DIS3L2: variants seen among roughly 807,000 people sequenced by gnomAD.
The protein encoded by DIS3L2 is DIS3 like 3'-5' exoribonuclease 2.
Under a neutral mutation model 97.5 loss-of-function variants are expected in DIS3L2, and 34 were observed. That is an observed-to-expected ratio of 0.35 (90% CI 0.27 to 0.46). The LOEUF is 0.46. DIS3L2 is among the 20% of genes least tolerant of loss of function. The pLI, the probability that DIS3L2 is intolerant of heterozygous loss-of-function variation, is 1.00. For synonymous variants in DIS3L2, 435 were observed against 445.2 expected (o/e 0.98, Z 0.29); for missense variants, 1,038 against 1,146.0 (o/e 0.91, Z 1.36).
Position 232,335,824 on chromosome 2 carries a change from C to G in DIS3L2, c.2446C>G (p.Leu816Val). 6.4e-7 allele frequency: 1 copy of G among 1,550,926 alleles called. No homozygotes were observed. The highest frequency in any genetic ancestry group is 1.2e-5 in the South Asian group (1 of 84,058). The change falls in exon 20 of 21, where the codon CTC becomes GTC. Residue 816 changes from leucine (L) to valine (V), a missense_variant. Around this residue, in one of 3 missense-constraint regions of DIS3L2, gnomAD observed 221 missense variants for 246.9 expected, o/e 0.90. Transcript: ENST00000325385. ...CCAGAAGGTGGGCAAGAAGCCGGAA[C>G]TCACGCTGGTCTGGGAGCCTGAGGA... ...HFQKVGKKPE[L>V]TLVWEPEDME...
intron 6 of DIS3L2, among the ~76,000 whole-genome samples, chr2:232,093,498 A>G (rs1458555566): frequency 6.6e-6 from 1 of 152,134 alleles, no homozygotes. Flanking sequence ...GTAGAATTCA[A>G]TAGTGAAGCC....
At chr2:232,333,792 G>C in intron 16 of DIS3L2, 48 bp from the exon 17 acceptor site, 1 of 1,480,686 alleles carries the variant, frequency 6.8e-7, no homozygotes, top group Non-Finnish European at 9.0e-7. Context: ...TCCAGGCCTG[G>C]CTGGGCAGCT....
chr2:232,038,252 T>G (rs1200684019), intron 5 of DIS3L2, among the ~76,000 whole-genome samples: 1 of 152,148 alleles, frequency 6.6e-6, no homozygotes, highest in African/African-American at 2.4e-5. Context: ...AAGGAAACAT[T>G]CCTAGAGGTC....
chr2:232,224,731 C>T (rs1030912509), intron 10 of DIS3L2, among the ~76,000 whole-genome samples: 5 of 151,468 alleles, frequency 3.3e-5, no homozygotes, highest in East Asian at 1.9e-4. Context: ...CCCAGCTACT[C>T]GGGAGGCTGA....
chr2:232,084,167 GGAT>G (rs1374894105), intron 5 of DIS3L2, among the ~76,000 whole-genome samples: 1 of 152,104 alleles, frequency 6.6e-6, no homozygotes, highest in African/African-American at 2.4e-5. Context: ...TCTTATTTTT[GGAT>G]GATCTTCTTT....
chr2:232,147,982 C>T (rs1430203245), intron 8 of DIS3L2, among the ~76,000 whole-genome samples: 1 of 125,736 alleles, frequency 8.0e-6, no homozygotes, highest in Non-Finnish European at 1.7e-5. Context: ...CTCCCCTCCC[C>T]TCCGCTCCCC....
chr2:231,982,869 G>C (rs1335487368), intron 1 of DIS3L2, among the ~76,000 whole-genome samples: 1 of 151,914 alleles, frequency 6.6e-6, no homozygotes, highest in East Asian at 1.9e-4. Context: ...TAGTAGAGAC[G>C]AGGTTTCTCC....
intron 8 of DIS3L2, among the ~76,000 whole-genome samples, chr2:232,147,266 C>T (rs534624825): frequency 4.3e-4 from 66 of 152,194 alleles, no homozygotes; most frequent in East Asian, 3.9e-4. Flanking sequence ...CTAGCATGTC[C>T]GGCCCATAAA....
intron 13 of DIS3L2, among the ~76,000 whole-genome samples, chr2:232,342,455 C>T (rs1696133586): frequency 6.6e-6 from 1 of 152,130 alleles, no homozygotes; most frequent in Non-Finnish European, 1.5e-5. Flanking sequence ...TTTGTTTTAA[C>T]AAACCTTGTA....
At chr2:232,308,558 C>T (rs79495504) in intron 14 of DIS3L2, among the ~76,000 whole-genome samples, 79 of 152,310 alleles carry the variant, frequency 5.2e-4, no homozygotes, top group African/African-American at 1.8e-3. Flanking sequence ...TGAGAGAGAG[C>T]TACGCTGTGG....
intron 14 of DIS3L2, among the ~76,000 whole-genome samples, chr2:232,314,196 C>T (rs1008001937): frequency 6.6e-6 from 1 of 152,252 alleles, no homozygotes; most frequent in African/African-American, 2.4e-5. Context: ...ATAGGGCATT[C>T]TCCAGCCTGT....
intron 1 of DIS3L2, among the ~76,000 whole-genome samples, chr2:232,000,318 T>C (rs948170833): frequency 4.6e-4 from 70 of 152,320 alleles, no homozygotes; most frequent in African/African-American, 1.5e-3. Context: ...ATACAATATA[T>C]TGTTATTAAC....
chr2:232,096,381 C>T (rs1042529117), intron 6 of DIS3L2, among the ~76,000 whole-genome samples: 2 of 151,314 alleles, frequency 1.3e-5, no homozygotes, highest in African/African-American at 2.4e-5. Context: ...CCACTGCACC[C>T]AGCGCCTTGG....
intron 13 of DIS3L2, among the ~76,000 whole-genome samples, chr2:232,289,289 AC>A (rs1387524801): frequency 6.7e-6 from 1 of 148,170 alleles, no homozygotes; most frequent in Non-Finnish European, 1.5e-5. Flanking sequence ...TTGCCCAGTT[AC>A]TGGCCCGTGT....
At chr2:232,052,109 C>T (rs1047723129) in intron 5 of DIS3L2, among the ~76,000 whole-genome samples, 2 of 151,672 alleles carry the variant, frequency 1.3e-5, no homozygotes, top group African/African-American at 2.4e-5. Context: ...CTGCAACCTC[C>T]GTCTCCTGGT....
rs796341250 is a variant in DIS3L2, at chr2:232,148,090, G to A, written c.950+11371G>A. Among the ~76,000 whole-genome samples, 8 of 140,340 alleles carry A rather than the reference G, an allele frequency of 5.7e-5. No homozygotes were observed. In the South Asian group the frequency reaches 1.4e-3, roughly 25 times the overall value. 92.1% of individuals were successfully genotyped at this position (140,340 alleles called of 152,430 possible). Reference sequence around the variant, plus strand: ...TCTTTTGACGGAGTCTCACTGTGTCGCCAGGCTGGAGTACAGTGGTTCAAT... The same window carrying A: ...TCTTTTGACGGAGTCTCACTGTGTCACCAGGCTGGAGTACAGTGGTTCAAT... On this transcript the variant is annotated intron_variant, in intron 8 of 20. Transcript: ENST00000325385.
chr2:232,340,498 T>C (rs1374088958), downstream of DIS3L2, among the ~76,000 whole-genome samples: 1 of 152,134 alleles, frequency 6.6e-6, no homozygotes, highest in Non-Finnish European at 1.5e-5. Flanking sequence ...AGCCATCTCC[T>C]ACAGAGGCAA....
At chr2:232,026,857 A>C (rs1171045037) in intron 4 of DIS3L2, among the ~76,000 whole-genome samples, 5 of 152,184 alleles carry the variant, frequency 3.3e-5, no homozygotes, top group Admixed American at 3.3e-4. Flanking sequence ...TTACTACGTC[A>C]TACTTAGAAA....
At chr2:232,052,031 T>TC (rs1324304526) in intron 5 of DIS3L2, among the ~76,000 whole-genome samples, 1 of 147,930 alleles carries the variant, frequency 6.8e-6, no homozygotes, top group East Asian at 2.0e-4. Context: ...TTAATTTCCT[T>TC]TTTTTTTTTT....
Sources: allele counts gnomAD v4.1 joint callset (sites outside exome capture counted in the v4.1 genomes callset), GRCh38; gene constraint gnomAD v4.1.1; regional missense constraint gnomAD v4.1.1; transcripts MANE v1.5; gene names NCBI Gene and HGNC (gene_info 2026-07-23, HGNC 2026-07-21).